Variants in SEMA5A observed in about 807,000 individuals in gnomAD.
SEMA5A encodes the protein semaphorin-5A.
In SEMA5A, 55 loss-of-function variants were observed where a neutral mutation model predicts 135.5. That is an observed-to-expected ratio of 0.41 (90% CI 0.33 to 0.51). The LOEUF is 0.51. SEMA5A is among the 20% of genes least tolerant of loss of function. The pLI is 0.37. For missense variants in SEMA5A, 1,290 were observed against 1,419.9 expected, an observed-to-expected ratio of 0.91 and a Z score of 1.47; for synonymous variants, 580 against 546.5, an observed-to-expected ratio of 1.06 and a Z score of -0.85.
rs1754914608 is a variant in SEMA5A, at chr5:9,366,395, T to C, written c.124+13428A>G. Among the ~76,000 whole-genome samples the C allele has an allele frequency of 2.0e-5, 3 of 150,598 alleles. No homozygotes were observed. The South Asian group carries it at 6.2e-4, about 31-fold the overall frequency. On this transcript the variant is annotated intron_variant, in intron 3 of 22. Coordinates refer to ENST00000382496, the MANE Select transcript of SEMA5A (RefSeq NM_003966.3). ...TTTGCTCCTGCAATAAAGAATTCTT[T>C]TTTTTTTTTTTTAGATGGAGTCTCG... is the stretch of plus-strand genomic sequence containing the variant.
At chr5:9,140,207 T>C (rs1426783224) in intron 12 of SEMA5A, among the ~76,000 whole-genome samples, 7 of 152,226 alleles carry the variant, frequency 4.6e-5, no homozygotes, top group Non-Finnish European at 8.8e-5. Flanking sequence ...AATAAAAAAT[T>C]ATTCCAATGA....
chr5:9,182,473 A>G (rs1413652976), intron 11 of SEMA5A, among the ~76,000 whole-genome samples: 1 of 151,942 alleles, frequency 6.6e-6, no homozygotes, highest in Non-Finnish European at 1.5e-5. Flanking sequence ...TTGTCCCCTC[A>G]CCCATGAAAT....
intron 16 of SEMA5A, among the ~76,000 whole-genome samples, chr5:9,083,874 A>G (rs1422030508): frequency 2.0e-5 from 3 of 152,186 alleles, no homozygotes; most frequent in African/African-American, 4.8e-5. Context: ...CACCTGATTC[A>G]GGACTCTCTG....
intron 6 of SEMA5A, among the ~76,000 whole-genome samples, chr5:9,232,706 T>C (rs1747702048): frequency 6.6e-6 from 1 of 152,132 alleles, no homozygotes; most frequent in South Asian, 2.1e-4. Flanking sequence ...CTGAGCTGAC[T>C]TCATGGGAAA....
chr5:9,417,204 A>C (rs1430667639), intron 2 of SEMA5A, among the ~76,000 whole-genome samples: 1 of 152,238 alleles, frequency 6.6e-6, no homozygotes, highest in East Asian at 1.9e-4. Flanking sequence ...TGCCCATAAG[A>C]AGTTTTACTA....
At chr5:9,379,121 G>A (rs921380560) in intron 3 of SEMA5A, among the ~76,000 whole-genome samples, 6 of 151,988 alleles carry the variant, frequency 3.9e-5, no homozygotes, top group Non-Finnish European at 7.4e-5. Flanking sequence ...GAAAGTGTTT[G>A]ATACAAAGTT....
chr5:9,235,973 A>C (rs112820573), intron 6 of SEMA5A, among the ~76,000 whole-genome samples: 1,799 of 152,260 alleles, frequency 0.012, 34 homozygotes, highest in African/African-American at 0.04. Flanking sequence ...AAGGGGAAGC[A>C]AGACACGTCT....
chr5:9,046,813 T>C (rs1736284990), intron 21 of SEMA5A, among the ~76,000 whole-genome samples: 1 of 152,208 alleles, frequency 6.6e-6, no homozygotes, highest in Non-Finnish European at 1.5e-5. Context: ...GGGAGGCTGC[T>C]TTCTCTCTGA....
At position 9,204,702 on chromosome 5, in the gene SEMA5A, T is replaced by C. The variant is rs1426749631; in HGVS notation, c.647-2462A>G. ...AGTGGGGGATGGGGATGGAAAGTCC[T>C]GAATCCATTAGACCGGGGGTCACCA... On this transcript the variant is annotated intron_variant, in intron 8 of 22. Transcript: ENST00000382496. The surrounding 1 kb of genome is among the most constrained non-coding windows in gnomAD (Gnocchi z 6.4). Among the ~76,000 whole-genome samples the C allele has an allele frequency of 5.3e-5, 8 of 152,164 alleles. No individual in the cohort carries two copies. Among genetic ancestry groups the C allele is most frequent in the African/African-American group, 1.4e-4 (6 of 41,452 alleles).
intron 11 of SEMA5A, among the ~76,000 whole-genome samples, chr5:9,159,073 C>G (rs1225722498): frequency 6.6e-6 from 1 of 152,214 alleles, no homozygotes; most frequent in Non-Finnish European, 1.5e-5. Flanking sequence ...TATATGGCAG[C>G]CCTATTACAT....
At chr5:9,251,856 C>G (rs1561072734) in intron 5 of SEMA5A, among the ~76,000 whole-genome samples, 1 of 152,174 alleles carries the variant, frequency 6.6e-6, no homozygotes, top group Non-Finnish European at 1.5e-5. Context: ...CCCATCATAA[C>G]TAACTCTACC....
chr5:9,102,001 A>G (rs756042234), intron 16 of SEMA5A, among the ~76,000 whole-genome samples: 16 of 152,328 alleles, frequency 1.1e-4, no homozygotes, highest in Non-Finnish European at 2.1e-4. Context: ...AAATAAACAA[A>G]AATAAGTGAA....
At chr5:9,499,989 CAATAAGAA>C (rs1295520872) in intron 1 of SEMA5A, among the ~76,000 whole-genome samples, 2 of 151,730 alleles carry the variant, frequency 1.3e-5, no homozygotes, top group African/African-American at 4.8e-5. Context: ...AAATAGAAAA[CAATAAGAA>C]AATATATGAG....
intron 2 of SEMA5A, among the ~76,000 whole-genome samples, chr5:9,407,206 C>T (rs533459937): frequency 2.5e-3 from 380 of 152,256 alleles, no homozygotes; most frequent in African/African-American, 8.7e-3. Flanking sequence ...CTGCTGTATA[C>T]AAAGATACAA....
rs150501164 is a variant in SEMA5A, at chr5:9,309,292, G to A, written c.270+9080C>T. ...AGCAAAAAAATTAGAATGGTATGGC[G>A]GGGTGGGATGAGGGTAGAACAGGGA... is the stretch of plus-strand genomic sequence containing the variant. On this transcript the variant is annotated intron_variant, in intron 5 of 22. Transcript: ENST00000382496. Among the ~76,000 whole-genome samples the A allele has an allele frequency of 1.2e-4, 19 of 152,266 alleles. No homozygotes were observed. The East Asian group carries it at 3.3e-3, about 26-fold the overall frequency.
chr5:9,339,284 G>A (rs1753538802), intron 3 of SEMA5A, among the ~76,000 whole-genome samples: 1 of 152,182 alleles, frequency 6.6e-6, no homozygotes, highest in African/African-American at 2.4e-5. Flanking sequence ...GAAAAGAAGA[G>A]ATGATTGAGA....
rs147956381 is a variant in SEMA5A at position 9,076,243 on chromosome 5, G to A, written c.2074-9597C>T. Among the ~76,000 whole-genome samples, 808 of 148,778 alleles carry A rather than the reference G, an allele frequency of 5.4e-3. 3 individuals carry two copies. The highest frequency in any genetic ancestry group is 9.3e-3 in the Non-Finnish European group (625 of 67,280). On this transcript the variant is annotated intron_variant, in intron 16 of 22. Transcript: ENST00000382496. Reference sequence around the variant, plus strand: ...AAAAAAGAAATTATCTTGAAATCATGTCATTTGCAGCAACACAAATGGAGC... The same window carrying A: ...AAAAAAGAAATTATCTTGAAATCATATCATTTGCAGCAACACAAATGGAGC...
intron 16 of SEMA5A, among the ~76,000 whole-genome samples, chr5:9,100,497 C>T (rs16881976): frequency 0.023 from 3,489 of 152,230 alleles, 125 homozygotes; most frequent in African/African-American, 0.079. Context: ...GACACACTCC[C>T]GAGAGGCATT....
At chr5:9,077,230 C>G (rs1218324199) in intron 16 of SEMA5A, among the ~76,000 whole-genome samples, 1 of 152,122 alleles carries the variant, frequency 6.6e-6, no homozygotes, top group Non-Finnish European at 1.5e-5. Context: ...AATCCACAAC[C>G]TTGCTTTAGA....
Sources: allele counts gnomAD v4.1 joint callset (sites outside exome capture counted in the v4.1 genomes callset), GRCh38; gene constraint gnomAD v4.1.1; non-coding constraint Gnocchi (gnomAD v3.1); transcripts MANE v1.5; gene names NCBI Gene and HGNC (gene_info 2026-07-23, HGNC 2026-07-21).